DGLUCY: variants seen among roughly 807,000 people sequenced by gnomAD.
DGLUCY encodes D-glutamate cyclase, mitochondrial.
A neutral mutation model predicts 58.5 loss-of-function variants in DGLUCY; 58 were observed. The observed-to-expected ratio is 0.99, with a 90% CI of 0.80 to 1.23. DGLUCY has a LOEUF of 1.23. Ranked by LOEUF, DGLUCY falls within the 50% of genes most tolerant of loss-of-function variation. The probability of loss-of-function intolerance (pLI) is 0.00; values close to 1 mark genes in which losing one functional copy is unlikely to be tolerated. For missense variants in DGLUCY, 779 were observed against 784.7 expected, an observed-to-expected ratio of 0.99 and a Z score of 0.09; for synonymous variants, 325 against 314.1, an observed-to-expected ratio of 1.03 and a Z score of -0.37.
intron 10 of DGLUCY, 27 bp from the exon 11 acceptor site, chr14:91,199,730 T>C: frequency 6.2e-7 from 1 of 1,613,022 alleles, no homozygotes; most frequent in Non-Finnish European, 8.5e-7. Flanking sequence ...TAGGACCCTC[T>C]GACCTCTGAC....
chr14:91,118,082 C>T (rs1183749883), intron 1 of DGLUCY, among the ~76,000 whole-genome samples: 2 of 105,160 alleles, frequency 1.9e-5, no homozygotes, highest in Admixed American at 1.0e-4. Flanking sequence ...CCCGCCCCCC[C>T]CCCCCCTTTT....
chr14:91,162,299 T>G (rs2140355407), intron 3 of DGLUCY, among the ~76,000 whole-genome samples: 1 of 152,210 alleles, frequency 6.6e-6, no homozygotes, highest in South Asian at 2.1e-4. Flanking sequence ...TGTCATTAAG[T>G]TAAAAAAAAT....
chr14:91,176,956 CT>C (rs1424971168), intron 7 of DGLUCY, among the ~76,000 whole-genome samples: 1 of 151,534 alleles, frequency 6.6e-6, no homozygotes, highest in Non-Finnish European at 1.5e-5. Flanking sequence ...CTTCTTTCTT[CT>C]TTCTCTCTCT....
At chr14:91,165,609 C>T (rs1361782420) in intron 3 of DGLUCY, among the ~76,000 whole-genome samples, 1 of 152,110 alleles carries the variant, frequency 6.6e-6, no homozygotes, top group Non-Finnish European at 1.5e-5. Context: ...CCCAAATGGC[C>T]AATAGGACAT....
At chr14:91,089,750 G>A (rs555972827) in intron 1 of DGLUCY, among the ~76,000 whole-genome samples, 1 of 151,640 alleles carries the variant, frequency 6.6e-6, no homozygotes, top group South Asian at 2.1e-4. Context: ...GAACCCTGGA[G>A]GCAGAGCTTG....
At chr14:91,191,487 G>A (rs2049889283) in intron 9 of DGLUCY, among the ~76,000 whole-genome samples, 1 of 152,256 alleles carries the variant, frequency 6.6e-6, no homozygotes, top group Admixed American at 6.5e-5. Flanking sequence ...CCTGTCTTTT[G>A]GAGACACATA....
intron 11 of DGLUCY, among the ~76,000 whole-genome samples, chr14:91,201,232 C>G (rs1355103996): frequency 6.6e-6 from 1 of 151,980 alleles, no homozygotes; most frequent in Non-Finnish European, 1.5e-5. Context: ...TTGCTTCAGC[C>G]CATCTAGATG....
intron 1 of DGLUCY, among the ~76,000 whole-genome samples, chr14:91,061,509 G>GT (rs1374107312): frequency 6.6e-6 from 1 of 152,164 alleles, no homozygotes; most frequent in African/African-American, 2.4e-5. Flanking sequence ...TAAAGCAGTC[G>GT]TACAAAGCGT....
rs1056058578 is a variant in DGLUCY at position 91,085,590 on chromosome 14, G to C, written c.-82+24886G>C. Among the ~76,000 whole-genome samples the C allele has an allele frequency of 8.4e-4, 121 of 144,572 alleles. 9 individuals carry two copies. The highest frequency in any genetic ancestry group is 1.5e-5 in the Non-Finnish European group (1 of 66,754). 94.8% of individuals were successfully genotyped at this position (144,572 alleles called of 152,430 possible). On this transcript the variant is annotated intron_variant, in intron 1 of 4. Coordinates refer to the DGLUCY transcript ENST00000521334. ...TTTTTTTTTTTTTTAGTATGTGTGTGACGGAGTCTCACTCTATTCCCCAGG... is the reference window on the plus strand; with the variant it reads ...TTTTTTTTTTTTTTAGTATGTGTGTCACGGAGTCTCACTCTATTCCCCAGG...
At chr14:91,102,161 AAATT>A (rs1303039603) in intron 1 of DGLUCY, among the ~76,000 whole-genome samples, 2 of 152,214 alleles carry the variant, frequency 1.3e-5, no homozygotes, top group Non-Finnish European at 2.9e-5. Context: ...ATGTATCAAT[AAATT>A]AAAAACCATA....
chr14:91,198,547 A>G (rs954557699), intron 10 of DGLUCY, among the ~76,000 whole-genome samples: 1 of 151,874 alleles, frequency 6.6e-6, no homozygotes, highest in African/African-American at 2.4e-5. Flanking sequence ...AGGTTTCACC[A>G]TGTTGCCCAG....
intron 1 of DGLUCY, among the ~76,000 whole-genome samples, chr14:91,080,594 C>G (rs559414331): frequency 6.6e-6 from 1 of 152,250 alleles, no homozygotes; most frequent in Non-Finnish European, 1.5e-5. Context: ...TGTTCTCGAA[C>G]TCCTGATCTT....
At chr14:91,064,721 A>G (rs1420185832) in intron 1 of DGLUCY, among the ~76,000 whole-genome samples, 3 of 152,090 alleles carry the variant, frequency 2.0e-5, no homozygotes, top group Admixed American at 6.6e-5. Flanking sequence ...CTTGGAAGCC[A>G]AAGTATTTCC....
intron 3 of DGLUCY, among the ~76,000 whole-genome samples, chr14:91,165,065 C>T (rs1346726920): frequency 1.3e-5 from 2 of 152,204 alleles, no homozygotes; most frequent in Non-Finnish European, 2.9e-5. Flanking sequence ...AGACACAGTC[C>T]TTTCCACTCT....
chr14:91,116,952 A>AG (rs1395552724), intron 1 of DGLUCY, among the ~76,000 whole-genome samples: 157 of 151,438 alleles, frequency 1.0e-3, no homozygotes, highest in African/African-American at 3.6e-3. Flanking sequence ...CAAAAAAAAA[A>AG]AAAGAACGGC....
At chr14:91,198,640 C>T (rs1172683981) in intron 10 of DGLUCY, among the ~76,000 whole-genome samples, 1 of 152,198 alleles carries the variant, frequency 6.6e-6, no homozygotes, top group Non-Finnish European at 1.5e-5. Context: ...AGCCACTGCG[C>T]CCAGCCTGCA....
In DGLUCY at chr14:91,102,743, A is replaced by ATGTGTGTGTGTGTGTGTGTGTG. The variant is rs548653144; in HGVS notation, c.-82+42061_-82+42082dup. 1.1e-3 allele frequency among the ~76,000 whole-genome samples: 147 copies of ATGTGTGTGTGTGTGTGTGTGTG among 130,678 alleles called. 5 individuals are homozygous for ATGTGTGTGTGTGTGTGTGTGTG. Among genetic ancestry groups the ATGTGTGTGTGTGTGTGTGTGTG allele is most frequent in the Non-Finnish European group, 1.8e-3 (111 of 61,980 alleles). The allele number at this position is 130,678 out of a possible 152,430, so 85.7% of individuals were successfully genotyped here. Reference sequence around the variant, plus strand: ...GCTGCTGGGACCCCTTCCAGTGTGTATGTGTGTGTGTGTGTGTGTGTGTGT... The same window carrying ATGTGTGTGTGTGTGTGTGTGTG: ...GCTGCTGGGACCCCTTCCAGTGTGTATGTGTGTGTGTGTGTGTGTGTGTGTGTGTGTGTGTGTGTGTGTGTGT... On this transcript the variant is annotated intron_variant, in intron 1 of 4. Transcript: ENST00000521334.
chr14:91,189,975 G>A (rs1260713383), intron 9 of DGLUCY, among the ~76,000 whole-genome samples: 1 of 128,740 alleles, frequency 7.8e-6, no homozygotes, highest in Non-Finnish European at 1.6e-5. Flanking sequence ...ACTCTGTTAG[G>A]TTCTTTTTTT....
chr14:91,162,147 T>A (rs1462878461), intron 3 of DGLUCY, among the ~76,000 whole-genome samples: 1 of 152,176 alleles, frequency 6.6e-6, no homozygotes, highest in Non-Finnish European at 1.5e-5. Flanking sequence ...GAGGGGCACC[T>A]GAGCTGTTCC....
Sources: allele counts gnomAD v4.1 joint callset (sites outside exome capture counted in the v4.1 genomes callset), GRCh38; gene constraint gnomAD v4.1.1; transcripts MANE v1.5; gene names NCBI Gene and HGNC (gene_info 2026-07-23, HGNC 2026-07-21).